SLC6A5: variants seen among roughly 807,000 people sequenced by gnomAD.
SLC6A5 encodes solute carrier family 6 member 5.
Under a neutral mutation model 90.5 loss-of-function variants are expected in SLC6A5, and 58 were observed. The ratio of observed to expected loss-of-function variants is 0.64; its 90% CI spans 0.52 to 0.80. The LOEUF (loss-of-function observed/expected upper bound fraction) is 0.80. SLC6A5 is among the 30% of genes least tolerant of loss of function. SLC6A5 has a pLI of 0.00. For synonymous variants in SLC6A5, 427 were observed against 401.4 expected, an observed-to-expected ratio of 1.06 and a Z score of -0.76; for missense variants, 1,015 against 1,017.6, an observed-to-expected ratio of 1.00 and a Z score of 0.03.
At chr11:20,604,453 G>A (rs1032250856) in intron 3 of SLC6A5, 29 bp downstream of exon 3, 10 of 1,608,158 alleles carry the variant, frequency 6.2e-6, no homozygotes, top group Non-Finnish European at 6.8e-6. Context: ...TTCCGCCTGC[G>A]GCGGGGCGGG....
intron 5 of SLC6A5, among the ~76,000 whole-genome samples, chr11:20,610,411 C>G (rs80291272): frequency 0.056 from 8,482 of 152,260 alleles, 828 homozygotes; most frequent in African/African-American, 0.19. Context: ...GCTGCTGCGG[C>G]GGCAGTGATC....
intron 7 of SLC6A5, among the ~76,000 whole-genome samples, chr11:20,625,980 A>G (rs1346244215): frequency 6.6e-6 from 1 of 152,218 alleles, no homozygotes; most frequent in Non-Finnish European, 1.5e-5. Context: ...GATGCCTGGC[A>G]TAGTGCCCAG....
At chr11:20,646,681 A>T (rs1183468525) in intron 13 of SLC6A5, among the ~76,000 whole-genome samples, 153 bp from the exon 14 acceptor site, 1 of 152,040 alleles carries the variant, frequency 6.6e-6, no homozygotes, top group African/African-American at 2.4e-5. Context: ...CATTTGTCTG[A>T]TGGTTCCCTG....
At chr11:20,648,199 T>C (rs1282760088) in intron 14 of SLC6A5, among the ~76,000 whole-genome samples, 1 of 152,188 alleles carries the variant, frequency 6.6e-6, no homozygotes, top group Admixed American at 6.5e-5. Flanking sequence ...TTAAGGCCTT[T>C]GTTTTGCTAT....
Position 20,625,318 on chromosome 11 carries a change from A to G in SLC6A5, c.1261-1390A>G, listed in dbSNP as rs564605753. ...CTCTTGTCACCCAGTCTGGAGTGCAATGGCGTGATCTCTGCTCACTGCAAC... is the reference window on the plus strand; with the variant it reads ...CTCTTGTCACCCAGTCTGGAGTGCAGTGGCGTGATCTCTGCTCACTGCAAC... On this transcript the variant is annotated intron_variant, in intron 7 of 15. Coordinates refer to ENST00000525748, the MANE Select transcript of SLC6A5 (RefSeq NM_004211.5). Among the ~76,000 whole-genome samples, 83 of 152,126 alleles carry G rather than the reference A, an allele frequency of 5.5e-4. 1 individual carries two copies. The highest frequency in any genetic ancestry group is 3.4e-3 in the Middle Eastern group (1 of 294).
chr11:20,604,513 G>A (rs972573819), intron 3 of SLC6A5, 89 bp downstream of exon 3: 7 of 1,521,078 alleles, frequency 4.6e-6, no homozygotes, highest in South Asian at 2.5e-5. Context: ...CAGGGCCGCC[G>A]GGCGGGGAGG....
At chr11:20,631,444 C>T (rs1375521783) in intron 10 of SLC6A5, among the ~76,000 whole-genome samples, 1 of 152,134 alleles carries the variant, frequency 6.6e-6, no homozygotes, top group Non-Finnish European at 1.5e-5. Flanking sequence ...TTATTAATGG[C>T]TAACATTTGT....
intron 7 of SLC6A5, 94 bp downstream of exon 7, chr11:20,617,978 C>A: frequency 2.4e-6 from 3 of 1,271,406 alleles, no homozygotes; most frequent in Non-Finnish European, 3.4e-6. Context: ...GAGTCAGGAG[C>A]TGTGGATGCT....
intron 14 of SLC6A5, among the ~76,000 whole-genome samples, chr11:20,651,100 G>C (rs1853522493): frequency 6.6e-6 from 1 of 152,132 alleles, no homozygotes; most frequent in South Asian, 2.1e-4. Flanking sequence ...GCCAGCATTA[G>C]AGGAAGCTCC....
Position 20,655,952 on chromosome 11 carries a change from A to C in SLC6A5, c.*1084A>C, listed in dbSNP as rs1448889897. The C allele has an allele frequency of 6.6e-6, 1 of 152,226 alleles. No individual in the cohort carries two copies. Among genetic ancestry groups the C allele is most frequent in the Non-Finnish European group, 1.5e-5 (1 of 68,038 alleles). 9.4% of individuals were successfully genotyped at this position (152,226 alleles called of 1,614,324 possible). A position where few individuals can be genotyped will look rare whatever the true frequency, so the allele number is the denominator to read the frequency against. Reference sequence around the variant, plus strand: ...AGAAAGCAACCACAATATTCACTGCACTGGTAGTACATTTTAGGACATGGT... The same window carrying C: ...AGAAAGCAACCACAATATTCACTGCCCTGGTAGTACATTTTAGGACATGGT... On this transcript the variant is annotated 3_prime_UTR_variant, in exon 16 of 16. Coordinates refer to ENST00000525748, the MANE Select transcript of SLC6A5 (RefSeq NM_004211.5).
chr11:20,642,786 G>T (rs1853338335), intron 13 of SLC6A5, among the ~76,000 whole-genome samples: 1 of 152,204 alleles, frequency 6.6e-6, no homozygotes, highest in Non-Finnish European at 1.5e-5. Flanking sequence ...GGGCCTGGGT[G>T]CTGGGAGTGA....
chr11:20,623,228 G>C (rs1945778), intron 7 of SLC6A5, among the ~76,000 whole-genome samples: 105,460 of 152,064 alleles, frequency 0.69, 36,726 homozygotes, highest in South Asian at 0.77. Context: ...CCTCTGGCAG[G>C]TCTGAACCTG....
intron 2 of SLC6A5, among the ~76,000 whole-genome samples, 188 bp downstream of exon 2, chr11:20,601,853 G>A (rs1047010227): frequency 1.1e-4 from 16 of 152,210 alleles, no homozygotes; most frequent in Admixed American, 3.3e-4. Context: ...TTCAGGGCGC[G>A]AGGGCTGCAG....
rs188488863 is a variant in SLC6A5 at position 20,613,592 on chromosome 11, T to A, written c.986-1087T>A. On this transcript the variant is annotated intron_variant, in intron 5 of 15. Coordinates refer to ENST00000525748, the MANE Select transcript of SLC6A5 (RefSeq NM_004211.5). The stretch of plus-strand genomic sequence containing the variant: ...TCACAGGGTTAATTTCCTTTCTCCA[T>A]CCCTGCCTAGATCAGGCCTTCTCAA... Among the ~76,000 whole-genome samples, 764 of 151,618 alleles carry A rather than the reference T, an allele frequency of 5.0e-3. 4 individuals are homozygous for A. Among genetic ancestry groups the A allele is most frequent in the Middle Eastern group, 0.014 (4 of 292 alleles).
intron 5 of SLC6A5, among the ~76,000 whole-genome samples, chr11:20,608,958 C>CTCTCTCTCTCTCTG (rs368771053): frequency 8.1e-5 from 9 of 110,854 alleles, no homozygotes; most frequent in African/African-American, 2.8e-4. Flanking sequence ...CTCTCTCTCT[C>CTCTCTCTCTCTCTG]TGTGTGTGTG....
intron 10 of SLC6A5, among the ~76,000 whole-genome samples, chr11:20,632,616 C>T (rs924415866): frequency 1.3e-5 from 2 of 152,212 alleles, no homozygotes; most frequent in Non-Finnish European, 2.9e-5. Context: ...ATGAGATCTT[C>T]TCCCAGACCC....
intron 13 of SLC6A5, among the ~76,000 whole-genome samples, chr11:20,642,849 AG>A (rs1434564267): frequency 1.3e-5 from 2 of 152,168 alleles, no homozygotes; most frequent in Admixed American, 1.3e-4. Context: ...ACGGTGCAGG[AG>A]GGTTGCGTGA....
chr11:20,613,310 A>C (rs1327030375), intron 5 of SLC6A5, among the ~76,000 whole-genome samples: 2 of 152,212 alleles, frequency 1.3e-5, no homozygotes, highest in African/African-American at 4.8e-5. Context: ...CTGCCATATA[A>C]GTGTAAGTTG....
intron 13 of SLC6A5, among the ~76,000 whole-genome samples, chr11:20,644,127 A>G (rs922685788): frequency 1.3e-5 from 2 of 152,246 alleles, no homozygotes; most frequent in Non-Finnish European, 2.9e-5. Flanking sequence ...TGTGTTATAC[A>G]ATGTGGAACA....
Sources: gnomAD v4.1 joint callset for allele counts (sites outside exome capture counted in the v4.1 genomes callset) on GRCh38, gnomAD v4.1.1 for gene constraint, MANE v1.5 for transcripts, NCBI Gene and HGNC (gene_info 2026-07-23, HGNC 2026-07-21) for gene names.